Variants in FBXL13 observed in about 807,000 individuals in gnomAD.
FBXL13 encodes F-box and leucine rich repeat protein 13.
A neutral mutation model predicts 83.6 loss-of-function variants in FBXL13; 67 were observed. The observed-to-expected ratio is 0.80, with a 90% CI of 0.66 to 0.98. The LOEUF (loss-of-function observed/expected upper bound fraction) is 0.98, where lower values mean the gene tolerates loss of function less well. Ranked by LOEUF, FBXL13 falls within the 50% of genes least tolerant of loss-of-function variation. The pLI is 0.00. For synonymous variants in FBXL13, 272 were observed against 299.5 expected (o/e 0.91, Z 0.95); for missense variants, 822 against 866.5 (o/e 0.95, Z 0.64).
intron 6 of FBXL13, among the ~76,000 whole-genome samples, chr7:102,986,590 T>A (rs1828983024): frequency 6.6e-6 from 1 of 152,112 alleles, no homozygotes; most frequent in Admixed American, 6.5e-5. Context: ...GTTCTCTTCA[T>A]GGGTGCTTGG....
intron 8 of FBXL13, chr7:102,933,807 T>C (rs1819686226): frequency 1.6e-6 from 2 of 1,235,856 alleles, no homozygotes; most frequent in Non-Finnish European, 2.2e-6. Flanking sequence ...CTGGGTCTCA[T>C]TGTTCCAGAA....
chr7:102,834,106 G>A (rs1801353146), intron 17 of FBXL13, among the ~76,000 whole-genome samples: 1 of 106,544 alleles, frequency 9.4e-6, no homozygotes, highest in Non-Finnish European at 1.8e-5. Context: ...AAGAAAGAAA[G>A]AAAGAAAGAA....
chr7:103,023,339 GACAA>G (rs1231192296), intron 6 of FBXL13, among the ~76,000 whole-genome samples: 6 of 152,044 alleles, frequency 3.9e-5, no homozygotes, highest in Non-Finnish European at 7.4e-5. Flanking sequence ...GGTGAAAACA[GACAA>G]ACAAACACTT....
chr7:102,975,748 C>T (rs894706720), intron 6 of FBXL13: 2 of 590,638 alleles, frequency 3.4e-6, no homozygotes, highest in East Asian at 2.8e-5. Context: ...CAATATTCAG[C>T]GCCAGCTTCA....
At chr7:103,074,312 T>C in exon 1 of FBXL13, 1 of 1,019,032 alleles carries the variant, frequency 9.8e-7, no homozygotes, top group Non-Finnish European at 1.2e-6. Context: ...ACAACATTCT[T>C]CATAATGCCA....
intron 1 of FBXL13, among the ~76,000 whole-genome samples, chr7:103,070,925 A>C: frequency 6.6e-6 from 1 of 152,198 alleles, no homozygotes; most frequent in African/African-American, 2.4e-5. Context: ...ATTTTAACAG[A>C]TTTGGAGAGA....
intron 6 of FBXL13, among the ~76,000 whole-genome samples, chr7:103,008,714 C>T (rs908179182): frequency 6.6e-6 from 1 of 152,104 alleles, no homozygotes; most frequent in Non-Finnish European, 1.5e-5. Context: ...CACACCAACA[C>T]ACCCGGCTAA....
At chr7:103,010,029 A>C (rs557654787) in intron 6 of FBXL13, among the ~76,000 whole-genome samples, 2 of 152,328 alleles carry the variant, frequency 1.3e-5, no homozygotes, top group East Asian at 3.9e-4. Context: ...TTGGCCCAGG[A>C]AACACCTGGA....
intron 10 of FBXL13, among the ~76,000 whole-genome samples, chr7:102,924,146 G>A (rs923100994): frequency 4.0e-5 from 6 of 151,382 alleles, no homozygotes; most frequent in African/African-American, 1.5e-4. Context: ...GCTGAGGCAG[G>A]AGAATTGCTT....
chr7:103,047,693 AT>A (rs112149908), intron 2 of FBXL13, among the ~76,000 whole-genome samples: 12 of 151,560 alleles, frequency 7.9e-5, no homozygotes, highest in East Asian at 3.9e-4. Flanking sequence ...AGTCCTATAC[AT>A]TTTTTTTTGT....
intron 8 of FBXL13, among the ~76,000 whole-genome samples, chr7:102,932,670 C>T (rs1475962877): frequency 4.9e-5 from 5 of 101,132 alleles, no homozygotes; most frequent in Non-Finnish European, 1.1e-4. Context: ...TGTTGGCTCA[C>T]TGCAGCCTCA....
rs138342822 is a variant in FBXL13, at chr7:103,031,782, G to A, written c.1-2364C>T. On this transcript the variant is annotated intron_variant, in intron 2 of 19. Coordinates refer to ENST00000313221, the Ensembl canonical transcript of FBXL13. ...GAATGTGTAAATAAATAATGAATTCGTTGCAAAAGATTTTTCATAGTATTA... is the reference window on the plus strand; with the variant it reads ...GAATGTGTAAATAAATAATGAATTCATTGCAAAAGATTTTTCATAGTATTA... Among the ~76,000 whole-genome samples, 82 of 152,284 alleles carry A rather than the reference G, an allele frequency of 5.4e-4. No individual in the cohort carries two copies. In the East Asian group the frequency reaches 0.013, roughly 24 times the overall value.
In FBXL13 at chr7:102,883,551, T is replaced by C. The variant is rs746529692; in HGVS notation, c.1225+17A>G. 2 of 1,591,132 alleles carry C rather than the reference T, an allele frequency of 1.3e-6. No individual in the cohort carries two copies. The highest frequency in any genetic ancestry group is 2.2e-5 in the South Asian group (2 of 89,372). On this transcript the variant is annotated intron_variant, in intron 13 of 19. Transcript: ENST00000313221. ...AAGTAAACAATAATGCTGAACCACA[T>C]TTTTAATATAACAGACCTTCAAATC...
Position 102,866,662 on chromosome 7 carries a change from G to T in FBXL13, c.1635+10805C>A, listed in dbSNP as rs983850091. Reference sequence around the variant, plus strand: ...ATTTTTGTGTGTGTTCCATGCAGATGGGTGGTCTCTTGCAATTGTATCATC... The same window carrying T: ...ATTTTTGTGTGTGTTCCATGCAGATTGGTGGTCTCTTGCAATTGTATCATC... On this transcript the variant is annotated intron_variant, in intron 16 of 19. Coordinates refer to ENST00000313221, the Ensembl canonical transcript of FBXL13. Among the ~76,000 whole-genome samples the T allele has an allele frequency of 3.4e-4, 51 of 152,170 alleles. 2 individuals carry two copies. Among genetic ancestry groups the T allele is most frequent in the Non-Finnish European group, 1.5e-5 (1 of 68,042 alleles).
chr7:103,041,311 T>A (rs955139537), intron 2 of FBXL13, among the ~76,000 whole-genome samples: 4 of 151,728 alleles, frequency 2.6e-5, no homozygotes, highest in Non-Finnish European at 4.4e-5. Flanking sequence ...CAAAAACAGG[T>A]TCTGAAATTG....
At chr7:102,819,866 G>A (rs1798561456) in intron 19 of FBXL13, among the ~76,000 whole-genome samples, 1 of 152,176 alleles carries the variant, frequency 6.6e-6, no homozygotes, top group African/African-American at 2.4e-5. Context: ...ATTTCCAACT[G>A]CACTGAAGGA....
At chr7:102,812,805 C>G (rs928630414), downstream of FBXL13, among the ~76,000 whole-genome samples, 2 of 149,486 alleles carry the variant, frequency 1.3e-5, no homozygotes, top group Non-Finnish European at 3.0e-5. Flanking sequence ...TAAATTTAGG[C>G]AGAAATTTTG....
intron 17 of FBXL13, among the ~76,000 whole-genome samples, chr7:102,848,228 G>A (rs1804379119): frequency 6.6e-6 from 1 of 152,248 alleles, no homozygotes; most frequent in Non-Finnish European, 1.5e-5. Context: ...TTGTCTAGCT[G>A]CAAGATTTTC....
At chr7:102,950,829 T>A (rs1823282437) in intron 8 of FBXL13, among the ~76,000 whole-genome samples, 1 of 151,966 alleles carries the variant, frequency 6.6e-6, no homozygotes, top group South Asian at 2.1e-4. Context: ...ATAAAAAGAT[T>A]GGTGGTTGTC....
Sources: gnomAD v4.1 joint callset for allele counts (sites outside exome capture counted in the v4.1 genomes callset) on GRCh38, gnomAD v4.1.1 for gene constraint, MANE v1.5 for transcripts, NCBI Gene and HGNC (gene_info 2026-07-23, HGNC 2026-07-21) for gene names.